Variants in ARHGEF15 observed in about 807,000 individuals in gnomAD.
ARHGEF15 encodes the protein Rho guanine nucleotide exchange factor 15.
ARHGEF15 carries 58 observed loss-of-function variants against 79.7 expected under a neutral mutation model. That is an observed-to-expected ratio of 0.73 (90% CI 0.59 to 0.91). ARHGEF15 has a LOEUF of 0.91. Among genes scored for constraint, ARHGEF15 ranks in the 40% least tolerant of loss-of-function variants. ARHGEF15 has a pLI of 0.00. For synonymous variants in ARHGEF15, 442 were observed against 456.0 expected (o/e 0.97, Z 0.39); for missense variants, 1,012 against 1,108.1 (o/e 0.91, Z 1.23).
chr17:8,317,039 A>G (rs8079228), intron 9 of ARHGEF15, among the ~76,000 whole-genome samples: 88,673 of 151,870 alleles, frequency 0.58, 26,675 homozygotes, highest in East Asian at 0.74. Flanking sequence ...TGCCTCAGTC[A>G]CCCAAAGTGC....
intron 9 of ARHGEF15, among the ~76,000 whole-genome samples, chr17:8,316,868 TG>T (rs1905059260): frequency 1.3e-5 from 2 of 152,084 alleles, no homozygotes; most frequent in South Asian, 4.1e-4. Flanking sequence ...CTGCAACCTC[TG>T]CCTCCCGGGT....
intron 4 of ARHGEF15, 129 bp from the exon 5 acceptor site, chr17:8,314,777 T>G: frequency 1.0e-6 from 1 of 997,564 alleles, no homozygotes; most frequent in Non-Finnish European, 1.4e-6. Context: ...TGAGGTTTGA[T>G]TTGGGGAGCC....
At chr17:8,316,349 T>C (rs1905031896) in intron 9 of ARHGEF15, among the ~76,000 whole-genome samples, 1 of 152,244 alleles carries the variant, frequency 6.6e-6, no homozygotes, top group African/African-American at 2.4e-5. Flanking sequence ...TCCCCTTACC[T>C]GGACTGCCTC....
chr17:8,313,331 A>G, intron 3 of ARHGEF15, 77 bp downstream of exon 3: 1 of 1,533,836 alleles, frequency 6.5e-7, no homozygotes, highest in Non-Finnish European at 8.8e-7. Context: ...AGCCCAGCAA[A>G]CTACAATCCC....
Position 8,315,795 on chromosome 17 carries a change from C to G in ARHGEF15, c.1462C>G (p.His488Asp), listed in dbSNP as rs147556222. ...CCTGTCCCGTGTGCGCTCTTCCCCC[C>G]ACATCAGCGACTTGTGTGATGTGGT... Reference protein sequence around the residue: ...TLLSRVRSSPHISDLCDVVHA... With the variant: ...TLLSRVRSSPDISDLCDVVHA... The change falls in exon 8 of 16, where the codon CAC (histidine) becomes GAC (aspartate). Residue 488 changes from histidine to aspartate, a missense_variant. This residue lies in a region of ARHGEF15 where 818 missense variants were observed against 882.5 expected (regional missense o/e 0.93). Transcript: ENST00000361926. This position sits in a 1 kb window ranked among gnomAD's most constrained non-coding sequence, Gnocchi z 4.3. 1.4e-5 allele frequency: 22 copies of G among 1,613,324 alleles called. No homozygotes were observed. The highest frequency in any genetic ancestry group is 1.7e-5 in the Non-Finnish European group (20 of 1,180,022).
Position 8,312,519 on chromosome 17 carries a change from T to A in ARHGEF15, c.480T>A (p.Gly160=). 1 of 1,611,006 alleles carries A rather than the reference T, an allele frequency of 6.2e-7. No individual in the cohort carries two copies. Residue 160 remains glycine (G), a synonymous_variant, in exon 2 of 16, where the codon GGT becomes GGA. Coordinates refer to ENST00000361926, the MANE Select transcript of ARHGEF15 (RefSeq NM_173728.4). ...GGCTGGCTGGCAGGTTTGAAGGGGG[T>A]GCTGAAGGCCGGGCTCAGGATGCAG... ...VRRLAGRFEG[G]AEGRAQDADA...
rs757985432 is a variant in ARHGEF15, at chr17:8,319,551, A to G, written c.2322A>G (p.Gly774=). ...CGTCTGCACCTGCCAAGACTGAAGG[A>G]CGGAGTCTGGAGTCCAGGGCTGCCC... ...SESSAPAKTE[G]RSLESRAAPK... Residue 774 remains glycine (G), a synonymous_variant, in exon 15 of 16, where the codon GGA becomes GGG. Coordinates refer to ENST00000361926, the MANE Select transcript of ARHGEF15 (RefSeq NM_173728.4). 18 of 1,611,784 alleles carry G rather than the reference A, an allele frequency of 1.1e-5. 1 individual carries two copies. In the Admixed American group the frequency reaches 3.0e-4, roughly 27 times the overall value.
Position 8,315,640 on chromosome 17 carries a change from C to A in ARHGEF15, c.1421+66C>A, listed in dbSNP as rs1904971473. The A allele has an allele frequency of 7.5e-6, 12 of 1,596,114 alleles. No individual in the cohort carries two copies. Among genetic ancestry groups the A allele is most frequent in the Non-Finnish European group, 1.0e-5 (12 of 1,173,944 alleles). On this transcript the variant is annotated intron_variant, in intron 7 of 15. Transcript: ENST00000361926. The surrounding 1 kb of genome is among the most constrained non-coding windows in gnomAD (Gnocchi z 4.3). ...CTGCTGGGCACGCCCTTTCCTCTCT[C>A]CCGGGCCCAGGTCCTTCCTTCTACG...
chr17:8,311,662 C>A (rs1423752277), intron 1 of ARHGEF15, among the ~76,000 whole-genome samples: 1 of 151,866 alleles, frequency 6.6e-6, no homozygotes, highest in Admixed American at 6.6e-5. Flanking sequence ...GACACTCACA[C>A]CGAGAACTTC....
At chr17:8,313,287 G>C (rs1212964050) in intron 3 of ARHGEF15, 33 bp downstream of exon 3, 1 of 1,591,104 alleles carries the variant, frequency 6.3e-7, no homozygotes, top group South Asian at 1.1e-5. Context: ...CCTCTGGGCT[G>C]TGAGGGGACA....
chr17:8,312,357 C>T lies in ARHGEF15; in HGVS notation c.318C>T (p.Arg106=), dbSNP rs1226734320. ...STPTPSPVSR[R]SASPEPAPRS... is the part of the protein sequence containing the mutation. The stretch of plus-strand genomic sequence containing the variant: ...CCACACCTAGTCCAGTGTCCCGGCG[C>T]TCCGCCTCCCCAGAACCTGCTCCCC... Residue 106 remains arginine, a synonymous_variant, in exon 2 of 16, where the codon CGC becomes CGT. Coordinates refer to ENST00000361926, the MANE Select transcript of ARHGEF15 (RefSeq NM_173728.4). The T allele has an allele frequency of 1.9e-6, 3 of 1,600,338 alleles. No individual in the cohort carries two copies. Among genetic ancestry groups the T allele is most frequent in the Non-Finnish European group, 2.6e-6 (3 of 1,173,490 alleles).
At position 8,321,044 on chromosome 17, in the gene ARHGEF15, G is replaced by A. The variant is rs1905358517; in HGVS notation, c.*51G>A. On this transcript the variant is annotated 3_prime_UTR_variant, in exon 16 of 16. Coordinates refer to ENST00000361926, the MANE Select transcript of ARHGEF15 (RefSeq NM_173728.4). ...TGGGAGACACCTACCAGTGTGGCAC[G>A]GAGAGAACAAAGCCCATTCATCCAT... 1 of 1,607,946 alleles carries A rather than the reference G, an allele frequency of 6.2e-7. No homozygotes were observed. The highest frequency in any genetic ancestry group is 8.5e-7 in the Non-Finnish European group (1 of 1,175,676).
rs1378296537 is a variant in ARHGEF15 at position 8,315,470 on chromosome 17, G to T, written c.1317G>T (p.Leu439=). The change falls in exon 7 of 16, where the codon CTG becomes CTT. Residue 439 remains leucine (L), a synonymous_variant. Transcript: ENST00000361926. The surrounding 1 kb of genome is among the most constrained non-coding windows in gnomAD (Gnocchi z 4.3). Reference sequence around the variant, plus strand: ...CCTACCTGCGCTCCCTGCGGCTGCTGACCGACACCTTCGTGCTGAGCCAGG... The same window carrying T: ...CCTACCTGCGCTCCCTGCGGCTGCTTACCGACACCTTCGTGCTGAGCCAGG... ...EASYLRSLRL[L]TDTFVLSQAL... is the part of the protein sequence containing the mutation. The T allele has an allele frequency of 1.9e-6, 3 of 1,613,838 alleles. No homozygotes were observed. Among genetic ancestry groups the T allele is most frequent in the African/African-American group, 2.7e-5 (2 of 75,050 alleles).
In ARHGEF15 at chr17:8,312,266, T is replaced by G. The variant is rs1388917998; in HGVS notation, c.227T>G (p.Leu76Trp). Residue 76 changes from leucine to tryptophan, a missense_variant, in exon 2 of 16, where the codon TTG (leucine) becomes TGG (tryptophan). This residue lies in a region of ARHGEF15 where 818 missense variants were observed against 882.5 expected (regional missense o/e 0.93). Transcript: ENST00000361926. ...PAASLKPPALLPPSASRASLD... is the reference protein window; with the variant it reads ...PAASLKPPALWPPSASRASLD... ...GCATCCCTCAAGCCCCCTGCTCTTT[T>G]GCCCCCCTCAGCTTCTAGAGCCAGC... is the stretch of plus-strand genomic sequence containing the variant. 2.2e-6 allele frequency: 3 copies of G among 1,344,658 alleles called. No homozygotes were observed. Among genetic ancestry groups the G allele is most frequent in the Non-Finnish European group, 9.9e-7 (1 of 1,012,366 alleles). 83.3% of individuals were successfully genotyped at this position (1,344,658 alleles called of 1,614,324 possible).
rs201918941 is a variant in ARHGEF15 at position 8,315,943 on chromosome 17, A to G, written c.1574+36A>G. The stretch of plus-strand genomic sequence containing the variant: ...CAGGGGTGGGGAGGAAGCTGGGGAG[A>G]GGGATGGGACCGAGGCCACAGCAGG... On this transcript the variant is annotated intron_variant, in intron 8 of 15. Coordinates refer to ENST00000361926, the MANE Select transcript of ARHGEF15 (RefSeq NM_173728.4). The surrounding 1 kb of genome is among the most constrained non-coding windows in gnomAD (Gnocchi z 4.3). 3.9e-4 allele frequency: 631 copies of G among 1,603,884 alleles called. 4 individuals are homozygous for G. In the Middle Eastern group the frequency reaches 8.3e-3, roughly 21 times the overall value.
chr17:8,316,201 C>T (rs911873045), intron 9 of ARHGEF15, 53 bp downstream of exon 9: 1 of 1,573,832 alleles, frequency 6.4e-7, no homozygotes, highest in African/African-American at 1.3e-5. Flanking sequence ...TCGGAGAACT[C>T]TCCCGAGGGC....
At chr17:8,320,731 A>T in intron 15 of ARHGEF15, 111 bp from the exon 16 acceptor site, 1 of 949,466 alleles carries the variant, frequency 1.1e-6, no homozygotes, top group South Asian at 1.6e-5. Context: ...TTGTCCATGA[A>T]TTCCCACACC....
chr17:8,318,418 G>T lies in ARHGEF15; in HGVS notation c.1736G>T (p.Ser579Ile), dbSNP rs908938131. ...CTGCGCCAGACAGAAGAGGGGTCCA[G>T]CCGTCAGGAGAATGCCCAGAAGGCC... ...NILRQTEEGS[S>I]RQENAQKALG... Residue 579 changes from serine (S) to isoleucine (I), a missense_variant, in exon 10 of 16, where the codon AGC (serine) becomes ATC (isoleucine). Physicochemically the swap from Ser to Ile is moderately radical, Grantham distance 142 (BLOSUM62 -2). Transcript: ENST00000361926. This position sits in a 1 kb window ranked among gnomAD's most constrained non-coding sequence, Gnocchi z 5.0. 6.2e-7 allele frequency: 1 copy of T among 1,614,106 alleles called. No individual in the cohort carries two copies.
intron 4 of ARHGEF15, 61 bp from the exon 5 acceptor site, chr17:8,314,845 C>G: frequency 1.3e-6 from 2 of 1,598,396 alleles, no homozygotes; most frequent in Admixed American, 3.4e-5. Context: ...TGAGAACAAG[C>G]ACCCCTACGG....
Sources: allele counts gnomAD v4.1 joint callset (sites outside exome capture counted in the v4.1 genomes callset), GRCh38; gene constraint gnomAD v4.1.1; regional missense constraint gnomAD v4.1.1; non-coding constraint Gnocchi (gnomAD v3.1); transcripts MANE v1.5; gene names NCBI Gene and HGNC (gene_info 2026-07-23, HGNC 2026-07-21).